The following AKIP1 variants were observed in gnomAD, a reference collection of about 807,000 sequenced individuals.
AKIP1 encodes A-kinase interacting protein 1, also known as A-kinase-interacting protein 1.
AKIP1 carries 18 observed loss-of-function variants against 22.3 expected under a neutral mutation model. That is an observed-to-expected ratio of 0.81 (90% confidence interval 0.56 to 1.19). AKIP1 has a LOEUF of 1.19. Ranked by LOEUF, AKIP1 falls within the 50% of genes most tolerant of loss-of-function variation. AKIP1 has a pLI of 0.00. For missense variants in AKIP1, 287 were observed against 264.6 expected, an observed-to-expected ratio of 1.08 and a Z score of -0.59; for synonymous variants, 120 against 102.7, an observed-to-expected ratio of 1.17 and a Z score of -1.02.
rs762331909 is a variant in AKIP1, at chr11:8,917,329, T to C, written c.451T>C (p.Tyr151His). Reference sequence around the variant, plus strand: ...GACATCCCTTGGTCCTGGAGGCAGCTATCAAATATCAGAGCATGCTCCAGA... The same window carrying C: ...GACATCCCTTGGTCCTGGAGGCAGCCATCAAATATCAGAGCATGCTCCAGA... The part of the protein sequence containing the change: ...KKTSLGPGGS[Y>H]QISEHAPEAS... Residue 151 changes from tyrosine (Y) to histidine (H), a missense_variant, in exon 5 of 6, where the codon TAT becomes CAT. Tyr to His is a moderately conservative substitution (Grantham distance 83). Transcript: ENST00000309377. The C allele has an allele frequency of 5.0e-6, 8 of 1,613,508 alleles. No homozygotes were observed. In the South Asian group the frequency reaches 7.7e-5, roughly 16 times the overall value.
At position 8,919,335 on chromosome 11, in the gene AKIP1, A is replaced by G. The variant is rs1383082918; in HGVS notation, c.490-2A>G. The G allele has an allele frequency of 6.2e-7, 1 of 1,611,300 alleles. No homozygotes were observed. The highest frequency in any genetic ancestry group is 1.1e-5 in the South Asian group (1 of 90,338). ...ACTGCTAATATCCTCTTTTCCTTCT[A>G]GGCTGAGAACATCTCTAAGGACCTC... On this transcript the variant is annotated splice_acceptor_variant, in intron 5 of 5. Coordinates refer to ENST00000309377, the MANE Select transcript of AKIP1 (RefSeq NM_020642.4). LOFTEE classifies it high-confidence loss of function.
chr11:8,919,386 A>G lies in AKIP1; in HGVS notation c.539A>G (p.Tyr180Cys), dbSNP rs148121612. The G allele has an allele frequency of 6.2e-6, 10 of 1,614,128 alleles. No individual in the cohort carries two copies. Among genetic ancestry groups the G allele is most frequent in the African/African-American group, 4.0e-5 (3 of 75,058 alleles). ...TACATAGAAGTATATCCAGGGACCT[A>G]TTCTGTCACTGTGGGCTCAAATGAC... Reference protein sequence around the residue: ...DLYIEVYPGTYSVTVGSNDLT... With the variant: ...DLYIEVYPGTCSVTVGSNDLT... Residue 180 changes from tyrosine (Y) to cysteine (C), a missense_variant, in exon 6 of 6, where the codon TAT (tyrosine) becomes TGT (cysteine). Coordinates refer to ENST00000309377, the MANE Select transcript of AKIP1 (RefSeq NM_020642.4).
intron 3 of AKIP1, among the ~76,000 whole-genome samples, chr11:8,913,178 C>CTTT (rs772589646): frequency 7.5e-6 from 1 of 133,248 alleles, no homozygotes; most frequent in Admixed American, 7.7e-5. Context: ...CGTGCCCGAC[C>CTTT]TTTTTTTTTT....
Position 8,911,230 on chromosome 11 carries a change from G to T in AKIP1, c.-7+7G>T. 1 of 562,410 alleles carries T rather than the reference G, an allele frequency of 1.8e-6. No homozygotes were observed. The highest frequency in any genetic ancestry group is 2.3e-5 in the South Asian group (1 of 43,878). 34.8% of individuals were successfully genotyped at this position (562,410 alleles called of 1,614,324 possible). ...GCCTTGACGAGTGAGCCGGGTGAGG[G>T]GGCTCCCTAAGTAGCGGAAGGGGTA... On this transcript the variant is annotated splice_region_variant and intron_variant, in intron 1 of 5. Coordinates refer to ENST00000309377, the MANE Select transcript of AKIP1 (RefSeq NM_020642.4).
intron 4 of AKIP1, among the ~76,000 whole-genome samples, chr11:8,916,357 C>A (rs942687396): frequency 1.1e-4 from 16 of 152,318 alleles, no homozygotes; most frequent in African/African-American, 3.6e-4. Context: ...AGTTACGGGC[C>A]TCTCACTACA....
chr11:8,911,396 C>T (rs1300425203), intron 1 of AKIP1, 48 bp from the exon 2 acceptor site: 1 of 1,494,572 alleles, frequency 6.7e-7, no homozygotes, highest in Non-Finnish European at 9.0e-7. Context: ...GCAGGGTCGC[C>T]GCGGCCCAGC....
rs146611149 is a variant in AKIP1, at chr11:8,912,531, G to A, written c.301G>A (p.Gly101Arg). 6.2e-7 allele frequency: 1 copy of A among 1,613,688 alleles called. No homozygotes were observed. Residue 101 changes from glycine (G) to arginine (R), a missense_variant and splice_region_variant, in exon 3 of 6, where the codon GGG becomes AGG. By Grantham distance (125) the Gly-to-Arg change is moderately radical (BLOSUM62 -2). Transcript: ENST00000309377. ...CATGGACTATACTTCAAGTCAGTGT[G>A]GGGTAAGTTGGTGTGAACCAAAACT... ...EFMDYTSSQC[G>R]KYYSSVPEEG...
intron 3 of AKIP1, among the ~76,000 whole-genome samples, chr11:8,914,565 C>T (rs1398033938): frequency 1.3e-5 from 2 of 152,176 alleles, no homozygotes; most frequent in Non-Finnish European, 2.9e-5. Flanking sequence ...CATGGTCCTG[C>T]CCACCTTTAG....
intron 3 of AKIP1, among the ~76,000 whole-genome samples, chr11:8,913,270 T>G (rs560041275): frequency 6.8e-6 from 1 of 146,352 alleles, no homozygotes; most frequent in South Asian, 2.2e-4. Flanking sequence ...AACCCCTACC[T>G]CCTGGCCTCC....
Position 8,911,689 on chromosome 11 carries a change from G to T in AKIP1, c.222+18G>T. The T allele has an allele frequency of 6.7e-7, 1 of 1,492,834 alleles. No homozygotes were observed. The highest frequency in any genetic ancestry group is 8.9e-7 in the Non-Finnish European group (1 of 1,122,404). The allele number at this position is 1,492,834 out of a possible 1,614,324, so 92.5% of individuals were successfully genotyped here. On this transcript the variant is annotated intron_variant, in intron 2 of 5. Coordinates refer to ENST00000309377, the MANE Select transcript of AKIP1 (RefSeq NM_020642.4). ...CGGGAGAGGTGAGGGTCGCTGTGCC[G>T]GGGGCCGCCCCAGTCCTTCGCGCCG...
intron 3 of AKIP1, among the ~76,000 whole-genome samples, chr11:8,913,136 C>T (rs1388128944): frequency 6.6e-6 from 1 of 151,134 alleles, no homozygotes; most frequent in Non-Finnish European, 1.5e-5. Context: ...GCCTCAGCCT[C>T]CCAAAGTGCT....
chr11:8,912,529 G>A lies in AKIP1; in HGVS notation c.299G>A (p.Cys100Tyr). The A allele has an allele frequency of 6.2e-7, 1 of 1,613,948 alleles. No homozygotes were observed. Among genetic ancestry groups the A allele is most frequent in the Non-Finnish European group, 8.5e-7 (1 of 1,179,818 alleles). The change falls in exon 3 of 6, where the codon TGT (cysteine) becomes TAT (tyrosine). Residue 100 changes from cysteine (C) to tyrosine (Y), a missense_variant. Cys to Tyr is a radical substitution (Grantham distance 194, BLOSUM62 -2). Coordinates refer to ENST00000309377, the MANE Select transcript of AKIP1 (RefSeq NM_020642.4). ...TTCATGGACTATACTTCAAGTCAGTGTGGGGTAAGTTGGTGTGAACCAAAA... is the reference window on the plus strand; with the variant it reads ...TTCATGGACTATACTTCAAGTCAGTATGGGGTAAGTTGGTGTGAACCAAAA... ...AEFMDYTSSQCGKYYSSVPEE... is the reference protein window; with the variant it reads ...AEFMDYTSSQYGKYYSSVPEE...
chr11:8,913,047 T>C, intron 3 of AKIP1, among the ~76,000 whole-genome samples: 1 of 147,118 alleles, frequency 6.8e-6, no homozygotes, highest in South Asian at 2.2e-4. Context: ...GCTAATTTTT[T>C]TTTTTGTATT....
In AKIP1 at chr11:8,919,586, T is replaced by C; in HGVS notation, c.*106T>C. On this transcript the variant is annotated 3_prime_UTR_variant, in exon 6 of 6. Coordinates refer to ENST00000309377, the MANE Select transcript of AKIP1 (RefSeq NM_020642.4). ...CATTAATCCTGTTTTTAGTGCTGAC[T>C]GGGTCAGCCTTCCGGGAACTGGAGT... The C allele has an allele frequency of 2.4e-6, 3 of 1,274,492 alleles. No individual in the cohort carries two copies. The highest frequency in any genetic ancestry group is 3.3e-6 in the Non-Finnish European group (3 of 915,930). 78.9% of individuals were successfully genotyped at this position (1,274,492 alleles called of 1,614,324 possible).
At chr11:8,911,974 G>A (rs1477213872) in intron 2 of AKIP1, among the ~76,000 whole-genome samples, 2 of 151,620 alleles carry the variant, frequency 1.3e-5, no homozygotes, top group Non-Finnish European at 1.5e-5. Flanking sequence ...GAGGCGGGCG[G>A]ATCACCTGAG....
intron 2 of AKIP1, 138 bp downstream of exon 2, chr11:8,911,809 A>G (rs1230489820): frequency 6.9e-6 from 6 of 870,574 alleles, no homozygotes; most frequent in Non-Finnish European, 1.0e-5. Flanking sequence ...CAATGAATGG[A>G]AAAGTCCTTT....
chr11:8,912,588 G>A, intron 3 of AKIP1, 55 bp downstream of exon 3: 1 of 1,472,110 alleles, frequency 6.8e-7, no homozygotes, highest in East Asian at 2.3e-5. Context: ...GACCACATTT[G>A]GATCTTTCTG....
At chr11:8,917,201 AC>A in intron 4 of AKIP1, 85 bp from the exon 5 acceptor site, 1 of 808,448 alleles carries the variant, frequency 1.2e-6, no homozygotes, top group Middle Eastern at 4.0e-4. Flanking sequence ...ACAATTACTA[AC>A]TCCTAATAAG....
intron 5 of AKIP1, chr11:8,917,642 A>G (rs900058664): frequency 4.3e-5 from 21 of 490,634 alleles, no homozygotes. Context: ...CAGTTCCTAC[A>G]GCTCAGCTGG....
Sources: gnomAD v4.1 joint callset for allele counts (sites outside exome capture counted in the v4.1 genomes callset) on GRCh38, gnomAD v4.1.1 for gene constraint, MANE v1.5 for transcripts, NCBI Gene and HGNC (gene_info 2026-07-23, HGNC 2026-07-21) for gene names.